Variants in BANK1 observed in about 807,000 individuals in gnomAD.
BANK1 encodes the protein B cell scaffold protein with ankyrin repeats 1.
In BANK1, 95 loss-of-function variants were observed where a neutral mutation model predicts 94.5. That is an observed-to-expected ratio of 1.00 (90% CI 0.85 to 1.19). BANK1 has a LOEUF of 1.19. Among genes scored for constraint, BANK1 ranks in the 50% most tolerant of loss-of-function variants. The pLI, the probability that BANK1 is intolerant of heterozygous loss-of-function variation, is 0.00. For synonymous variants in BANK1, 334 were observed against 308.4 expected, an observed-to-expected ratio of 1.08 and a Z score of -0.87; for missense variants, 987 against 932.2, an observed-to-expected ratio of 1.06 and a Z score of -0.77.
At chr4:102,018,818 TCC>T (rs1491228492) in intron 7 of BANK1, among the ~76,000 whole-genome samples, 1 of 140,110 alleles carries the variant, frequency 7.1e-6, no homozygotes, top group Non-Finnish European at 1.5e-5. Flanking sequence ...TTTCTTTCTT[TCC>T]TTTTTTTTTT....
intron 7 of BANK1, among the ~76,000 whole-genome samples, chr4:101,969,580 AG>A: frequency 6.6e-6 from 1 of 152,114 alleles, no homozygotes; most frequent in South Asian, 2.1e-4. Flanking sequence ...AATCCCTAAA[AG>A]TTTCTTTGTA....
intron 2 of BANK1, among the ~76,000 whole-genome samples, chr4:101,835,870 C>A (rs955216657): frequency 6.6e-6 from 1 of 152,196 alleles, no homozygotes; most frequent in African/African-American, 2.4e-5. Context: ...GTAATTGTAT[C>A]ATTCACCATT....
At chr4:101,817,796 C>G (rs1725974172) in intron 1 of BANK1, among the ~76,000 whole-genome samples, 1 of 151,962 alleles carries the variant, frequency 6.6e-6, no homozygotes, top group Admixed American at 6.6e-5. Context: ...TGTAGCCCAA[C>G]ATAGATTTGT....
chr4:101,953,207 T>C (rs1724231538), intron 7 of BANK1, among the ~76,000 whole-genome samples: 1 of 152,162 alleles, frequency 6.6e-6, no homozygotes, highest in South Asian at 2.1e-4. Context: ...ATCCATAAAC[T>C]TGATGTTTAT....
chr4:101,852,544 T>C (rs1727529408), intron 2 of BANK1, among the ~76,000 whole-genome samples: 1 of 147,322 alleles, frequency 6.8e-6, no homozygotes, highest in South Asian at 2.1e-4. Flanking sequence ...TTCAAGCCTA[T>C]GTCTTTAATT....
intron 7 of BANK1, among the ~76,000 whole-genome samples, chr4:101,958,417 A>G (rs2148917802): frequency 1.6e-5 from 1 of 63,240 alleles, no homozygotes. Flanking sequence ...GTCATGCTAC[A>G]AACACTTTTT....
At chr4:101,832,119 AC>A (rs1726645601) in intron 2 of BANK1, among the ~76,000 whole-genome samples, 1 of 152,238 alleles carries the variant, frequency 6.6e-6, no homozygotes, top group Non-Finnish European at 1.5e-5. Context: ...CTTGTCTTAC[AC>A]TGAAGGTAGA....
chr4:101,811,494 A>G (rs1725729259), intron 1 of BANK1, among the ~76,000 whole-genome samples: 1 of 152,134 alleles, frequency 6.6e-6, no homozygotes, highest in African/African-American at 2.4e-5. Flanking sequence ...ATTATAATAT[A>G]CTGCAGCCCT....
At position 102,009,949 on chromosome 4, in the gene BANK1, T is replaced by C. The variant is rs76115892; in HGVS notation, c.1207-11565T>C. Among the ~76,000 whole-genome samples the C allele has an allele frequency of 9.8e-3, 1,492 of 152,282 alleles. 20 individuals carry two copies. Among genetic ancestry groups the C allele is most frequent in the African/African-American group, 0.034 (1,417 of 41,560 alleles). On this transcript the variant is annotated intron_variant, in intron 7 of 16. Transcript: ENST00000322953. ...TGATATTGAGAAGATTCTGAGTAAATGTTTTTGAATAAGTAAGTTAAAAAT... is the reference window on the plus strand; with the variant it reads ...TGATATTGAGAAGATTCTGAGTAAACGTTTTTGAATAAGTAAGTTAAAAAT...
At position 102,000,322 on chromosome 4, in the gene BANK1, C is replaced by CAA. The variant is rs3974642; in HGVS notation, c.1207-21169_1207-21168dup. On this transcript the variant is annotated intron_variant, in intron 7 of 16. Coordinates refer to ENST00000322953, the MANE Select transcript of BANK1 (RefSeq NM_017935.5). ...TGGGTGGCAGAGCGAAACTCTGTCT[C>CAA]AAAAAAAAAAAAAAAAAAAAAAAAC... is the stretch of plus-strand genomic sequence containing the variant. Among the ~76,000 whole-genome samples, 443 of 65,546 alleles carry CAA rather than the reference C, an allele frequency of 6.8e-3. 1 individual carries two copies. The highest frequency in any genetic ancestry group is 0.018 in the Middle Eastern group (2 of 110). The allele number at this position is 65,546 out of a possible 152,430, so 43.0% of individuals were successfully genotyped here.
At chr4:101,872,686 T>C (rs1728337761) in intron 5 of BANK1, among the ~76,000 whole-genome samples, 1 of 152,130 alleles carries the variant, frequency 6.6e-6, no homozygotes, top group African/African-American at 2.4e-5. Flanking sequence ...ATAGATTATA[T>C]ATATTTAACA....
At position 101,813,911 on chromosome 4, in the gene BANK1, G is replaced by A. The variant is rs1400351948; in HGVS notation, c.71-15897G>A. On this transcript the variant is annotated intron_variant, in intron 1 of 16. Coordinates refer to ENST00000322953, the MANE Select transcript of BANK1 (RefSeq NM_017935.5). Reference sequence around the variant, plus strand: ...TGCTGGTTTTGCTTGCATCTGATGAGTAGAAATTCAGCCTATTCTTTGTTT... The same window carrying A: ...TGCTGGTTTTGCTTGCATCTGATGAATAGAAATTCAGCCTATTCTTTGTTT... 5 of 984,872 alleles carry A rather than the reference G, an allele frequency of 5.1e-6. No homozygotes were observed. In the African/African-American group the frequency reaches 5.2e-5, roughly 10 times the overall value. 61.0% of individuals were successfully genotyped at this position (984,872 alleles called of 1,614,324 possible). A position where few individuals can be genotyped will look rare whatever the true frequency, so the allele number is the denominator to read the frequency against.
At chr4:101,860,145 T>C (rs899110788) in intron 3 of BANK1, among the ~76,000 whole-genome samples, 1 of 152,204 alleles carries the variant, frequency 6.6e-6, no homozygotes, top group Non-Finnish European at 1.5e-5. Context: ...GCCAACATTA[T>C]GTTCAAGCAA....
intron 8 of BANK1, among the ~76,000 whole-genome samples, chr4:102,022,840 T>C (rs1242358556): frequency 6.6e-6 from 1 of 152,160 alleles, no homozygotes; most frequent in Non-Finnish European, 1.5e-5. Flanking sequence ...CTCACCATTA[T>C]CTTACTCATT....
At chr4:101,814,378 G>T (rs1725828917) in intron 1 of BANK1, among the ~76,000 whole-genome samples, 2 of 152,090 alleles carry the variant, frequency 1.3e-5, no homozygotes, top group Admixed American at 1.3e-4. Flanking sequence ...TTCCACCACT[G>T]CCACCATCTT....
chr4:102,052,901 G>C (rs1728098351), intron 11 of BANK1, among the ~76,000 whole-genome samples: 1 of 152,128 alleles, frequency 6.6e-6, no homozygotes, highest in African/African-American at 2.4e-5. Context: ...ATATGTGAAA[G>C]ACATTTTAGA....
intron 7 of BANK1, among the ~76,000 whole-genome samples, chr4:101,993,985 G>C (rs1207873022): frequency 2.0e-5 from 3 of 152,216 alleles, no homozygotes. Context: ...CAGAGGCCTA[G>C]GCCCTGACCC....
chr4:101,894,945 T>C (rs1722009397), intron 5 of BANK1, among the ~76,000 whole-genome samples: 1 of 151,864 alleles, frequency 6.6e-6, no homozygotes, highest in African/African-American at 2.4e-5. Flanking sequence ...GCAAAATATA[T>C]TTTTACCAAA....
intron 5 of BANK1, among the ~76,000 whole-genome samples, chr4:101,881,679 C>T (rs1308015171): frequency 6.6e-6 from 1 of 152,120 alleles, no homozygotes; most frequent in African/African-American, 2.4e-5. Context: ...TGTCCATCAA[C>T]AAATGAATGG....
Sources: gnomAD v4.1 joint callset for allele counts (sites outside exome capture counted in the v4.1 genomes callset) on GRCh38, gnomAD v4.1.1 for gene constraint, MANE v1.5 for transcripts, NCBI Gene and HGNC (gene_info 2026-07-23, HGNC 2026-07-21) for gene names.